PHKB: variants seen among roughly 807,000 people sequenced by gnomAD.
PHKB encodes the protein phosphorylase kinase regulatory subunit beta, also known as phosphorylase b kinase regulatory subunit beta.
A neutral mutation model predicts 152.1 loss-of-function variants in PHKB; 122 were observed. The observed-to-expected ratio is 0.80, with a 90% confidence interval of 0.69 to 0.93. PHKB has a LOEUF of 0.93. Ranked by LOEUF, PHKB falls within the 40% of genes least tolerant of loss-of-function variation. The pLI, the probability that PHKB is intolerant of heterozygous loss-of-function variation, is 0.00. For missense variants in PHKB, 1,304 were observed against 1,328.4 expected, an observed-to-expected ratio of 0.98 and a Z score of 0.29; for synonymous variants, 436 against 464.9, an observed-to-expected ratio of 0.94 and a Z score of 0.80.
chr16:47,544,310 A>G lies in PHKB; in HGVS notation c.595-3123A>G, dbSNP rs141104630. 8.4e-4 allele frequency among the ~76,000 whole-genome samples: 128 copies of G among 152,332 alleles called. 1 individual carries two copies. Among genetic ancestry groups the G allele is most frequent in the African/African-American group, 2.9e-3 (122 of 41,578 alleles). On this transcript the variant is annotated intron_variant, in intron 6 of 30. Transcript: ENST00000323584. ...GTGTCTTTGTTTTCGTTGGTTTCAA[A>G]GAACATCTTTATTTCTGCCTTCATT...
intron 14 of PHKB, among the ~76,000 whole-genome samples, chr16:47,629,464 C>A (rs1204747552): frequency 6.6e-6 from 1 of 151,626 alleles, no homozygotes; most frequent in Non-Finnish European, 1.5e-5. Flanking sequence ...CAAATCAAAA[C>A]CACAATGAGA....
Position 47,663,679 on chromosome 16 carries a change from A to G in PHKB, c.2281A>G (p.Thr761Ala), listed in dbSNP as rs770030450. 34 of 1,612,238 alleles carry G rather than the reference A, an allele frequency of 2.1e-5. No homozygotes were observed. The Middle Eastern group carries it at 8.2e-4, about 39-fold the overall frequency. The change falls in exon 24 of 31, where the codon ACC becomes GCC. Residue 761 changes from threonine (T) to alanine (A), a missense_variant and splice_region_variant. Thr to Ala is a moderately conservative substitution (Grantham distance 58, BLOSUM62 0). Transcript: ENST00000323584. ...AGACTCTATTATCCAATGTCTAGGT[A>G]CCGTTTCTGATCACATTGAGAGAGT... ...EGPNFITKEG[T>A]VSDHIERVYR...
intron 22 of PHKB, 43 bp from the exon 23 acceptor site, chr16:47,661,676 T>TACC: frequency 7.9e-7 from 1 of 1,273,824 alleles, no homozygotes; most frequent in Non-Finnish European, 1.1e-6. Context: ...GTAACTGCTG[T>TACC]ACCCATTTCA....
intron 6 of PHKB, among the ~76,000 whole-genome samples, chr16:47,519,058 A>G (rs1236303019): frequency 9.9e-5 from 15 of 152,188 alleles, no homozygotes; most frequent in Admixed American, 9.2e-4. Context: ...TATGTCTCTT[A>G]TGGAAGTTGT....
chr16:47,488,869 A>G (rs1248316863), intron 1 of PHKB, among the ~76,000 whole-genome samples: 1 of 152,136 alleles, frequency 6.6e-6, no homozygotes, highest in Non-Finnish European at 1.5e-5. Context: ...TGTGTTTGAA[A>G]TCAGGTAGTG....
intron 26 of PHKB, among the ~76,000 whole-genome samples, chr16:47,672,856 AC>A (rs1431811865): frequency 6.6e-6 from 1 of 152,144 alleles, no homozygotes. Flanking sequence ...GAAATGACAT[AC>A]CATTTTTCCT....
At chr16:47,634,236 T>A (rs1972877135) in intron 14 of PHKB, among the ~76,000 whole-genome samples, 1 of 152,230 alleles carries the variant, frequency 6.6e-6, no homozygotes, top group African/African-American at 2.4e-5. Flanking sequence ...AGTATAAATA[T>A]CATTGTGTAA....
chr16:47,595,791 A>T (rs191803448), intron 12 of PHKB, among the ~76,000 whole-genome samples: 2 of 152,350 alleles, frequency 1.3e-5, no homozygotes, highest in Non-Finnish European at 2.9e-5. Context: ...TAGCCAAAGC[A>T]TAACAATCTG....
intron 14 of PHKB, among the ~76,000 whole-genome samples, chr16:47,625,671 T>A (rs1972696815): frequency 6.6e-6 from 1 of 152,220 alleles, no homozygotes; most frequent in African/African-American, 2.4e-5. Flanking sequence ...GTAGCCTCTG[T>A]CTTCAGTTAC....
chr16:47,591,879 C>G (rs1438583442), intron 10 of PHKB, among the ~76,000 whole-genome samples: 1 of 152,154 alleles, frequency 6.6e-6, no homozygotes, highest in Non-Finnish European at 1.5e-5. Context: ...GCAGATTTAG[C>G]CTCCTAAAAA....
intron 1 of PHKB, among the ~76,000 whole-genome samples, chr16:47,492,602 C>G (rs564171932): frequency 1.4e-4 from 21 of 152,240 alleles, no homozygotes; most frequent in Middle Eastern, 6.8e-3. Flanking sequence ...CTGTTGGGCA[C>G]CCTTGGTTCA....
intron 26 of PHKB, among the ~76,000 whole-genome samples, chr16:47,671,161 T>C (rs1283080375): frequency 1.3e-5 from 2 of 152,266 alleles, no homozygotes; most frequent in Non-Finnish European, 2.9e-5. Context: ...AATTGAATTA[T>C]GTTTGTCAAA....
intron 26 of PHKB, among the ~76,000 whole-genome samples, chr16:47,684,605 A>G (rs1371197863): frequency 1.3e-5 from 2 of 152,102 alleles, no homozygotes; most frequent in Non-Finnish European, 2.9e-5. Flanking sequence ...TCTCTACTAA[A>G]AAATACAAAA....
At chr16:47,665,947 T>C in intron 25 of PHKB, 3 of 1,613,324 alleles carry the variant, frequency 1.9e-6, no homozygotes, top group Non-Finnish European at 2.5e-6. Flanking sequence ...CCCAGGTCGG[T>C]TGTACGCCGT....
intron 29 of PHKB, 90 bp downstream of exon 29, chr16:47,696,578 A>AC: frequency 1.3e-6 from 1 of 783,968 alleles, no homozygotes; most frequent in Non-Finnish European, 2.3e-6. Context: ...TGAGACCCAG[A>AC]ATCCTATTCT....
intron 2 of PHKB, among the ~76,000 whole-genome samples, chr16:47,498,766 G>A (rs1464451922): frequency 6.6e-6 from 1 of 152,130 alleles, no homozygotes; most frequent in Non-Finnish European, 1.5e-5. Flanking sequence ...GCCTGGCATG[G>A]TGGCGATTGC....
chr16:47,669,465 C>T (rs757865414), intron 26 of PHKB, 48 bp downstream of exon 26: 3 of 1,540,412 alleles, frequency 1.9e-6, no homozygotes, highest in Non-Finnish European at 2.7e-6. Flanking sequence ...TTCAAGTTGT[C>T]CTCTAACAGA....
At chr16:47,596,988 A>G (rs1348040664) in intron 13 of PHKB, among the ~76,000 whole-genome samples, 1 of 152,122 alleles carries the variant, frequency 6.6e-6, no homozygotes, top group Non-Finnish European at 1.5e-5. Flanking sequence ...TAATAGGACC[A>G]TTATTCATTA....
At chr16:47,613,261 G>C (rs376960738) in intron 14 of PHKB, among the ~76,000 whole-genome samples, 1 of 152,182 alleles carries the variant, frequency 6.6e-6, no homozygotes, top group Non-Finnish European at 1.5e-5. Flanking sequence ...CATGGGGCAA[G>C]TCCTGAGGAA....
Sources: allele counts gnomAD v4.1 joint callset (sites outside exome capture counted in the v4.1 genomes callset), GRCh38; gene constraint gnomAD v4.1.1; transcripts MANE v1.5; gene names NCBI Gene and HGNC (gene_info 2026-07-23, HGNC 2026-07-21).